ATP2C1: variants seen among roughly 807,000 people sequenced by gnomAD.
ATP2C1 encodes ATPase secretory pathway Ca2+ transporting 1.
In ATP2C1, 31 loss-of-function variants were observed where a neutral mutation model predicts 120.5. That is an observed-to-expected ratio of 0.26 (90% CI 0.19 to 0.35). The LOEUF (loss-of-function observed/expected upper bound fraction) is 0.35, where lower values mean the gene tolerates loss of function less well. Ranked by LOEUF, ATP2C1 falls within the 10% of genes least tolerant of loss-of-function variation. ATP2C1 has a pLI of 1.00. For synonymous variants in ATP2C1, 351 were observed against 358.7 expected (o/e 0.98, Z 0.24); for missense variants, 731 against 1,107.5 (o/e 0.66, Z 4.83).
At chr3:130,969,177 T>G in intron 16 of ATP2C1, 115 bp from the exon 17 acceptor site, 1 of 728,154 alleles carries the variant, frequency 1.4e-6, no homozygotes, top group African/African-American at 1.7e-5. Context: ...ACTATTTCAC[T>G]ATTAACTGAA....
intron 20 of ATP2C1, among the ~76,000 whole-genome samples, chr3:130,981,319 C>T (rs1238066059): frequency 6.6e-6 from 1 of 152,082 alleles, no homozygotes; most frequent in Non-Finnish European, 1.5e-5. Context: ...TTTGAATCTG[C>T]TTCTTTCACT....
At chr3:130,923,869 A>T (rs1442840690) in intron 2 of ATP2C1, among the ~76,000 whole-genome samples, 1 of 151,278 alleles carries the variant, frequency 6.6e-6, no homozygotes, top group Non-Finnish European at 1.5e-5. Context: ...TGTCTCAAAA[A>T]AAAAAAAAAA....
At chr3:130,936,816 C>CAA (rs34156218) in intron 5 of ATP2C1, among the ~76,000 whole-genome samples, 1,006 of 77,284 alleles carry the variant, frequency 0.013, 26 homozygotes, top group East Asian at 0.015. Flanking sequence ...GACTCTGTCT[C>CAA]AAAAAAAAAA....
chr3:130,939,685 G>A (rs879774336), intron 6 of ATP2C1, among the ~76,000 whole-genome samples: 3 of 152,086 alleles, frequency 2.0e-5, no homozygotes, highest in Admixed American at 1.3e-4. Context: ...TTGGGGTGTT[G>A]TCTTATGATT....
chr3:130,979,475 G>A lies in ATP2C1; in HGVS notation c.1741+56G>A, dbSNP rs2061663071. On this transcript the variant is annotated intron_variant, in intron 19 of 27. Coordinates refer to ENST00000510168, the MANE Select transcript of ATP2C1 (RefSeq NM_001378687.1). ...ATAGTTTTTCTTAAAATACTGTGGTGCATAATTTTGTGAACTATTAGTTAT... is the reference window on the plus strand; with the variant it reads ...ATAGTTTTTCTTAAAATACTGTGGTACATAATTTTGTGAACTATTAGTTAT... The A allele has an allele frequency of 5.8e-6, 9 of 1,541,862 alleles. No homozygotes were observed. The South Asian group carries it at 7.9e-5, about 13-fold the overall frequency.
chr3:130,935,199 C>T (rs1248913737), intron 5 of ATP2C1, among the ~76,000 whole-genome samples: 1 of 152,118 alleles, frequency 6.6e-6, no homozygotes, highest in Admixed American at 6.5e-5. Flanking sequence ...GATTAGCACA[C>T]ATGAAAATTC....
At chr3:131,008,788 C>T (rs1480848692) in intron 26 of ATP2C1, among the ~76,000 whole-genome samples, 1 of 152,224 alleles carries the variant, frequency 6.6e-6, no homozygotes, top group African/African-American at 2.4e-5. Flanking sequence ...AGTATATTCT[C>T]TCTTGAATGG....
intron 8 of ATP2C1, among the ~76,000 whole-genome samples, chr3:130,952,890 C>A (rs2060425658): frequency 6.6e-6 from 1 of 152,182 alleles, no homozygotes; most frequent in South Asian, 2.1e-4. Flanking sequence ...CTCTTAACTT[C>A]TAACAAGTTC....
At chr3:130,948,703 TA>T (rs893813332) in intron 8 of ATP2C1, among the ~76,000 whole-genome samples, 4 of 152,098 alleles carry the variant, frequency 2.6e-5, no homozygotes, top group African/African-American at 7.2e-5. Context: ...ATAATGCATT[TA>T]AAAAAATATA....
At chr3:130,962,715 TAAAAA>T (rs71133621) in intron 12 of ATP2C1, among the ~76,000 whole-genome samples, 3 of 114,210 alleles carry the variant, frequency 2.6e-5, no homozygotes, top group East Asian at 2.4e-4. Flanking sequence ...ATGGAAGCAT[TAAAAA>T]AAAAAAAAAA....
chr3:131,016,210 C>G, exon 27 of ATP2C1: 2 of 1,614,168 alleles, frequency 1.2e-6, no homozygotes, highest in Non-Finnish European at 1.7e-6. Context: ...CATCTGGAGA[C>G]AGGACTGCCA....
intron 1 of ATP2C1, among the ~76,000 whole-genome samples, chr3:130,886,051 G>A (rs1020828040): frequency 5.9e-5 from 9 of 152,088 alleles, no homozygotes; most frequent in Non-Finnish European, 1.0e-4. Flanking sequence ...CTCAGCTTTT[G>A]TTTGTCTGGG....
chr3:130,852,851 C>T (rs2067717632), intron 1 of ATP2C1, among the ~76,000 whole-genome samples: 1 of 152,166 alleles, frequency 6.6e-6, no homozygotes, highest in South Asian at 2.1e-4. Context: ...CCTTAAGAGC[C>T]CTTGCCCATG....
In ATP2C1 at chr3:130,953,981, A is replaced by T. The variant is rs2060476617; in HGVS notation, c.687+5A>T. Reference sequence around the variant, plus strand: ...GTCAGATGTGGCAAAGCAAAGGTAAATTTTTTTCCTGATTTGAAAAAAGCA... The same window carrying T: ...GTCAGATGTGGCAAAGCAAAGGTAATTTTTTTTCCTGATTTGAAAAAAGCA... On this transcript the variant is annotated splice_donor_5th_base_variant and intron_variant, in intron 9 of 27. Transcript: ENST00000510168. The T allele has an allele frequency of 6.2e-7, 1 of 1,613,770 alleles. No homozygotes were observed. The highest frequency in any genetic ancestry group is 8.5e-7 in the Non-Finnish European group (1 of 1,179,836).
chr3:130,967,716 T>C (rs1451624365), intron 16 of ATP2C1, among the ~76,000 whole-genome samples: 1 of 152,232 alleles, frequency 6.6e-6, no homozygotes, highest in Non-Finnish European at 1.5e-5. Flanking sequence ...TGAAATACTT[T>C]ATAAATGTGT....
At chr3:131,014,282 TTCATA>T in intron 26 of ATP2C1, 1 of 1,614,080 alleles carries the variant, frequency 6.2e-7, no homozygotes, top group Non-Finnish European at 8.5e-7. Context: ...TGAATAGATA[TTCATA>T]AAGTTGCTTA....
Position 131,001,381 on chromosome 3 carries a change from G to C in ATP2C1, c.*31G>C. 6.2e-7 allele frequency: 1 copy of C among 1,608,438 alleles called. No homozygotes were observed. The highest frequency in any genetic ancestry group is 8.5e-7 in the Non-Finnish European group (1 of 1,176,850). ...ATTGCATTATTTTATTTGCAAACTA[G>C]GAATTGCAGTCTGAGGATCATTTAG... On this transcript the variant is annotated 3_prime_UTR_variant, in exon 28 of 28. Transcript: ENST00000510168.
intron 6 of ATP2C1, among the ~76,000 whole-genome samples, chr3:130,939,736 TTAAG>T (rs1397937619): frequency 6.6e-6 from 1 of 152,202 alleles, no homozygotes; most frequent in African/African-American, 2.4e-5. Context: ...CACTCTAAGA[TTAAG>T]TAGAGACTGA....
intron 2 of ATP2C1, chr3:130,930,069 G>T: frequency 2.7e-6 from 1 of 365,350 alleles, no homozygotes; most frequent in Non-Finnish European, 5.3e-6. Context: ...AACGTAATGA[G>T]TTTAGAGGAT....
Sources: allele counts gnomAD v4.1 joint callset (sites outside exome capture counted in the v4.1 genomes callset), GRCh38; gene constraint gnomAD v4.1.1; transcripts MANE v1.5; gene names NCBI Gene and HGNC (gene_info 2026-07-23, HGNC 2026-07-21).